SOX6: variants seen among roughly 807,000 people sequenced by gnomAD.
SOX6 encodes transcription factor SOX-6.
In SOX6, 11 loss-of-function variants were observed where a neutral mutation model predicts 97.8. The observed-to-expected ratio is 0.11, with a 90% CI of 0.07 to 0.19. The LOEUF is 0.19. Ranked by LOEUF, SOX6 falls within the 10% of genes least tolerant of loss-of-function variation. The pLI, the probability that SOX6 is intolerant of heterozygous loss-of-function variation, is 1.00. For synonymous variants in SOX6, 360 were observed against 371.4 expected, an observed-to-expected ratio of 0.97 and a Z score of 0.35; for missense variants, 810 against 1,039.5, an observed-to-expected ratio of 0.78 and a Z score of 3.04.
At chr11:16,290,332 A>C (rs567362701) in intron 3 of SOX6, among the ~76,000 whole-genome samples, 13 of 152,170 alleles carry the variant, frequency 8.5e-5, no homozygotes, top group African/African-American at 2.9e-4. Context: ...ATTTTATGAC[A>C]CTTTTAATAG....
At chr11:16,273,715 C>T (rs555613716) in intron 3 of SOX6, among the ~76,000 whole-genome samples, 7 of 151,868 alleles carry the variant, frequency 4.6e-5, no homozygotes, top group African/African-American at 7.2e-5. Context: ...ATGTCACATA[C>T]GAAGATGAAA....
chr11:16,174,034 C>CTTT (rs76988026), intron 6 of SOX6, among the ~76,000 whole-genome samples: 9 of 132,026 alleles, frequency 6.8e-5, no homozygotes, highest in African/African-American at 2.2e-4. Flanking sequence ...TCCTTTGTTT[C>CTTT]TTTTTTTTTT....
intron 3 of SOX6, among the ~76,000 whole-genome samples, chr11:16,714,547 G>A: frequency 6.6e-6 from 1 of 150,798 alleles, no homozygotes; most frequent in East Asian, 1.9e-4. Context: ...CGCCTCCCGG[G>A]TTCAAGCAAT....
At chr11:16,028,341 A>AT (rs1433511322) in intron 12 of SOX6, among the ~76,000 whole-genome samples, 8 of 152,224 alleles carry the variant, frequency 5.3e-5, no homozygotes, top group Non-Finnish European at 1.0e-4. Flanking sequence ...ACATAAGCAT[A>AT]TGCATAGATC....
At chr11:16,258,558 G>A (rs899845432) in intron 3 of SOX6, among the ~76,000 whole-genome samples, 1 of 151,912 alleles carries the variant, frequency 6.6e-6, no homozygotes, top group Non-Finnish European at 1.5e-5. Flanking sequence ...GATTGGGGGA[G>A]GGATGAATAC....
chr11:16,164,297 AC>A (rs1227626158), intron 6 of SOX6, among the ~76,000 whole-genome samples: 17 of 152,188 alleles, frequency 1.1e-4, no homozygotes, highest in Non-Finnish European at 5.9e-5. Context: ...CATTAACTAT[AC>A]CTTGCTTAAA....
At chr11:16,721,681 C>A (rs1322204202) in intron 2 of SOX6, among the ~76,000 whole-genome samples, 3 of 148,018 alleles carry the variant, frequency 2.0e-5, no homozygotes, top group South Asian at 4.4e-4. Flanking sequence ...GACTGCTTCC[C>A]CTTCACCTTT....
intron 3 of SOX6, among the ~76,000 whole-genome samples, chr11:16,302,566 C>CTTTTTTTTTTTTTTT (rs71044096): frequency 5.7e-5 from 5 of 86,998 alleles, no homozygotes; most frequent in Non-Finnish European, 8.5e-5. Context: ...TTCTTTTTTT[C>CTTTTTTTTTTTTTTT]TTTTTTTTTT....
chr11:16,025,005 C>T (rs1855175999), intron 12 of SOX6, among the ~76,000 whole-genome samples: 1 of 152,116 alleles, frequency 6.6e-6, no homozygotes, highest in Non-Finnish European at 1.5e-5. Context: ...GTAGCATTAA[C>T]TCTGAAGATA....
intron 1 of SOX6, among the ~76,000 whole-genome samples, chr11:16,368,096 G>C (rs1158080066): frequency 6.6e-6 from 1 of 152,032 alleles, no homozygotes; most frequent in Non-Finnish European, 1.5e-5. Flanking sequence ...TCTCTTACTT[G>C]TCTATTGGCC....
chr11:16,101,144 C>T (rs796483987), intron 7 of SOX6, among the ~76,000 whole-genome samples: 2 of 151,618 alleles, frequency 1.3e-5, no homozygotes, highest in Non-Finnish European at 3.0e-5. Flanking sequence ...TGAATCACAA[C>T]CACTGATGCA....
chr11:16,565,402 A>G (rs1456385762), intron 4 of SOX6, among the ~76,000 whole-genome samples: 1 of 152,204 alleles, frequency 6.6e-6, no homozygotes, highest in Non-Finnish European at 1.5e-5. Context: ...TCTCTTCCAG[A>G]AAACAGAAGA....
chr11:16,355,108 A>G (rs1857039975), intron 1 of SOX6, among the ~76,000 whole-genome samples: 1 of 152,032 alleles, frequency 6.6e-6, no homozygotes, highest in Non-Finnish European at 1.5e-5. Flanking sequence ...AGGTATTATT[A>G]ACTGTACCAC....
chr11:16,024,714 C>T (rs1855167140), intron 12 of SOX6, among the ~76,000 whole-genome samples: 1 of 151,930 alleles, frequency 6.6e-6, no homozygotes, highest in Non-Finnish European at 1.5e-5. Flanking sequence ...TATCTCACGA[C>T]CTGCTCTATG....
At chr11:16,374,448 T>C (rs1857588930) in intron 1 of SOX6, among the ~76,000 whole-genome samples, 1 of 152,086 alleles carries the variant, frequency 6.6e-6, no homozygotes, top group Non-Finnish European at 1.5e-5. Context: ...TGGCAATGTA[T>C]TTCAAAATAA....
At chr11:16,361,883 C>T (rs1193455029) in intron 1 of SOX6, among the ~76,000 whole-genome samples, 3 of 152,160 alleles carry the variant, frequency 2.0e-5, no homozygotes, top group African/African-American at 4.8e-5. Flanking sequence ...ACTTCAAAAT[C>T]ATGAAAACTA....
intron 4 of SOX6, among the ~76,000 whole-genome samples, chr11:16,547,445 G>A (rs1427460793): frequency 1.3e-5 from 2 of 151,872 alleles, no homozygotes; most frequent in Admixed American, 1.3e-4. Context: ...CACACACAAT[G>A]GGATACTATT....
chr11:16,014,089 G>C (rs568116940), intron 13 of SOX6, among the ~76,000 whole-genome samples: 48 of 152,154 alleles, frequency 3.2e-4, no homozygotes, highest in African/African-American at 1.1e-3. Flanking sequence ...CAAAGGAACA[G>C]CTAATGGGAA....
intron 6 of SOX6, among the ~76,000 whole-genome samples, chr11:16,115,931 ATCTCAGT>A (rs1301480145): frequency 6.6e-6 from 1 of 152,180 alleles, no homozygotes; most frequent in Non-Finnish European, 1.5e-5. Context: ...GAACACACTG[ATCTCAGT>A]ATCTACCATC....
Sources: gnomAD v4.1 joint callset for allele counts (sites outside exome capture counted in the v4.1 genomes callset) on GRCh38, gnomAD v4.1.1 for gene constraint, MANE v1.5 for transcripts, NCBI Gene and HGNC (gene_info 2026-07-23, HGNC 2026-07-21) for gene names.